The following PCNT variants were observed in gnomAD, a reference collection of about 807,000 sequenced individuals.
PCNT encodes the protein kendrin.
In PCNT, 319 loss-of-function variants were observed where a neutral mutation model predicts 380.4. The ratio of observed to expected loss-of-function variants is 0.84; its 90% CI spans 0.77 to 0.92. PCNT has a LOEUF of 0.92. Ranked by LOEUF, PCNT falls within the 40% of genes least tolerant of loss-of-function variation. PCNT has a pLI of 0.00. For synonymous variants in PCNT, 1,845 were observed against 1,735.2 expected, an observed-to-expected ratio of 1.06 and a Z score of -1.57; for missense variants, 4,400 against 4,255.3, an observed-to-expected ratio of 1.03 and a Z score of -0.95.
intron 9 of PCNT, among the ~76,000 whole-genome samples, chr21:46,351,741 A>G (rs1441633196): frequency 6.6e-6 from 1 of 152,226 alleles, no homozygotes; most frequent in Non-Finnish European, 1.5e-5. Flanking sequence ...TATGCTAAGC[A>G]AGTCAGTGCA....
intron 21 of PCNT, among the ~76,000 whole-genome samples, chr21:46,396,306 C>T (rs913985801): frequency 3.3e-5 from 5 of 152,212 alleles, no homozygotes; most frequent in African/African-American, 1.2e-4. Context: ...AGCCTAAGGT[C>T]AGGGTGCCAG....
Position 46,442,525 on chromosome 21 carries a change from G to C in PCNT, c.9652G>C (p.Glu3218Gln). 1 of 1,612,426 alleles carries C rather than the reference G, an allele frequency of 6.2e-7. No individual in the cohort carries two copies. The highest frequency in any genetic ancestry group is 8.5e-7 in the Non-Finnish European group (1 of 1,178,580). ...RLRFLVKKWQ[E>Q]VDRKGALAQG... The stretch of plus-strand genomic sequence containing the variant: ...ACGTTTTTTGGTTAAGAAATGGCAA[G>C]AAGTAGATCGGAAAGGAGCTCTGGC... The change falls in exon 44 of 47, where the codon GAA (glutamate) becomes CAA (glutamine). Residue 3218 changes from glutamate (E) to glutamine (Q), a missense_variant. Coordinates refer to ENST00000359568, the MANE Select transcript of PCNT (RefSeq NM_006031.6).
rs1202956778 is a variant in PCNT, at chr21:46,385,855, A to G, written c.3336A>G (p.Leu1112=). ...VQQLKDQVLS[L]SHEIEECRSE... ...AGCTGAAAGACCAGGTTTTATCCTT[A>G]AGTCACGAGATAGAAGAGTGCCGCT... Residue 1112 remains leucine, a synonymous_variant, in exon 17 of 47, where the codon TTA becomes TTG. Coordinates refer to ENST00000359568, the MANE Select transcript of PCNT (RefSeq NM_006031.6). 2.5e-6 allele frequency: 4 copies of G among 1,614,228 alleles called. No individual in the cohort carries two copies. The highest frequency in any genetic ancestry group is 1.6e-4 in the Middle Eastern group (1 of 6,062).
chr21:46,426,007 G>C, intron 33 of PCNT, 36 bp downstream of exon 33: 1 of 1,595,842 alleles, frequency 6.3e-7, no homozygotes, highest in Non-Finnish European at 8.6e-7. Context: ...TTTTCCAAAG[G>C]ATTTAAGGAG....
Position 46,357,378 on chromosome 21 carries a change from C to T in PCNT, c.2154+187C>T, listed in dbSNP as rs547561786. Among the ~76,000 whole-genome samples the T allele has an allele frequency of 1.1e-4, 16 of 152,284 alleles. No homozygotes were observed. In the East Asian group the frequency reaches 2.3e-3, roughly 22 times the overall value. On this transcript the variant is annotated intron_variant, in intron 13 of 46. Transcript: ENST00000359568. ...TCCTGGCAATGCCAGTAGTGGGTGGCGGTTGGATAGAATCTTGTCAGGGTC... is the reference window on the plus strand; with the variant it reads ...TCCTGGCAATGCCAGTAGTGGGTGGTGGTTGGATAGAATCTTGTCAGGGTC...
chr21:46,402,543 G>A (rs1372783584), intron 27 of PCNT, 60 bp downstream of exon 27: 20 of 1,579,276 alleles, frequency 1.3e-5, no homozygotes, highest in Admixed American at 5.0e-5. Flanking sequence ...GGTGCCGAGC[G>A]GCCACCAAGA....
rs60896945 is a variant in PCNT at position 46,328,271 on chromosome 21, C to CT, written c.267+1682_267+1683insT. 9.5e-3 allele frequency among the ~76,000 whole-genome samples: 1,378 copies of CT among 144,910 alleles called. 15 individuals carry two copies. Among genetic ancestry groups the CT allele is most frequent in the African/African-American group, 0.018 (721 of 39,576 alleles). ...GTTGGTGTGTTTTTTTTTTTTTTCC[C>CT]GTTTTCTTTTTAAGATACAGTCTCT... On this transcript the variant is annotated intron_variant, in intron 2 of 46. Coordinates refer to ENST00000359568, the MANE Select transcript of PCNT (RefSeq NM_006031.6).
At chr21:46,421,411 G>A (rs1028939438) in intron 31 of PCNT, among the ~76,000 whole-genome samples, 15 of 152,200 alleles carry the variant, frequency 9.9e-5, no homozygotes, top group Admixed American at 7.8e-4. Flanking sequence ...CCTCCCTGTG[G>A]GCTGGCGCAG....
intron 30 of PCNT, among the ~76,000 whole-genome samples, chr21:46,417,408 G>C (rs2087074862): frequency 1.3e-5 from 2 of 151,886 alleles, no homozygotes; most frequent in Non-Finnish European, 2.9e-5. Flanking sequence ...TGGTCAGGCT[G>C]GTCTCGAACT....
rs1004840695 is a variant in PCNT, at chr21:46,425,705, G to A, written c.7180-126G>A. The A allele has an allele frequency of 2.2e-6, 3 of 1,366,610 alleles. No individual in the cohort carries two copies. Among genetic ancestry groups the A allele is most frequent in the Non-Finnish European group, 2.1e-6 (2 of 968,738 alleles). 84.7% of individuals were successfully genotyped at this position (1,366,610 alleles called of 1,614,324 possible). ...GCCGCCTGTACGAAGCCGAGGCGGT[G>A]CCCTCCCTCTCCACAGCTGCCCGCC... On this transcript the variant is annotated intron_variant, in intron 32 of 46. Coordinates refer to ENST00000359568, the MANE Select transcript of PCNT (RefSeq NM_006031.6). This position sits in a 1 kb window ranked among gnomAD's most constrained non-coding sequence, Gnocchi z 4.2.
Position 46,430,158 on chromosome 21 carries a change from C to A in PCNT, c.7839C>A (p.Leu2613=), listed in dbSNP as rs765345850. The A allele has an allele frequency of 3.7e-6, 6 of 1,614,222 alleles. No homozygotes were observed. The highest frequency in any genetic ancestry group is 5.1e-6 in the Non-Finnish European group (6 of 1,180,040). The part of the protein sequence containing the change: ...QTVVRDLKSD[L]CESRQKSEQL... ...TAGTGCGAGATTTGAAGTCCGACCT[C>A]TGTGAGAGCAGGCAGAAGAGCGAAC... Residue 2613 remains leucine, a synonymous_variant, in exon 36 of 47, where the codon CTC becomes CTA. Coordinates refer to ENST00000359568, the MANE Select transcript of PCNT (RefSeq NM_006031.6).
intron 37 of PCNT, 171 bp downstream of exon 37, chr21:46,430,828 G>A (rs560608392): frequency 3.0e-6 from 3 of 985,478 alleles, no homozygotes; most frequent in East Asian, 1.1e-4. Context: ...GCACCTTGGT[G>A]TAGTGGCAGC....
chr21:46,432,364 C>G lies in PCNT; in HGVS notation c.8751+149C>G, dbSNP rs1197819076. ...GTGCCCTGACGCTGGCACCACACTG[C>G]TGTTACTGTAGCTTTCTAGAAAGTA... On this transcript the variant is annotated intron_variant, in intron 38 of 46. Transcript: ENST00000359568. The G allele has an allele frequency of 4.0e-6, 3 of 749,122 alleles. No homozygotes were observed. In the East Asian group the frequency reaches 8.1e-5, roughly 20 times the overall value. The allele number at this position is 749,122 out of a possible 1,614,324, so 46.4% of individuals were successfully genotyped here.
intron 19 of PCNT, among the ~76,000 whole-genome samples, chr21:46,390,323 T>TA (rs1213161868): frequency 2.0e-5 from 3 of 152,198 alleles, no homozygotes; most frequent in African/African-American, 7.2e-5. Context: ...AAAATGAAAA[T>TA]AAAAATTCTT....
intron 3 of PCNT, among the ~76,000 whole-genome samples, chr21:46,336,384 T>C (rs1374142516): frequency 6.6e-6 from 1 of 152,214 alleles, no homozygotes; most frequent in East Asian, 1.9e-4. Flanking sequence ...ATTTATTTAT[T>C]GACTTCTTGG....
chr21:46,431,434 T>C (rs1460616060), intron 37 of PCNT, 95 bp from the exon 38 acceptor site: 3 of 1,599,154 alleles, frequency 1.9e-6, no homozygotes, highest in Non-Finnish European at 2.6e-6. Flanking sequence ...GTAGAATTGC[T>C]GGGCTAAAGT....
chr21:46,440,306 G>T (rs1394404459), intron 42 of PCNT, 104 bp downstream of exon 42: 6 of 1,209,798 alleles, frequency 5.0e-6, no homozygotes, highest in Middle Eastern at 2.0e-4. Flanking sequence ...TCGTCTGCCG[G>T]GTGTAGCAGT....
intron 1 of PCNT, among the ~76,000 whole-genome samples, chr21:46,325,366 A>C (rs1569151174): frequency 6.6e-6 from 1 of 150,702 alleles, no homozygotes; most frequent in East Asian, 2.0e-4. Flanking sequence ...AGCTGCGAAC[A>C]GGAGCAGAGC....
At chr21:46,383,007 T>A (rs1448508735) in intron 16 of PCNT, among the ~76,000 whole-genome samples, 1 of 120,066 alleles carries the variant, frequency 8.3e-6, no homozygotes, top group South Asian at 2.6e-4. Context: ...TTCACGGTGT[T>A]GTGCATTCAG....
Sources: gnomAD v4.1 joint callset for allele counts (sites outside exome capture counted in the v4.1 genomes callset) on GRCh38, gnomAD v4.1.1 for gene constraint, Gnocchi (gnomAD v3.1) non-coding constraint, MANE v1.5 for transcripts, NCBI Gene and HGNC (gene_info 2026-07-23, HGNC 2026-07-21) for gene names.